Variants in PLCB4 observed in about 807,000 individuals in gnomAD.
PLCB4 encodes the protein 1-phosphatidylinositol 4,5-bisphosphate phosphodiesterase beta-4.
PLCB4 carries 77 observed loss-of-function variants against 178.8 expected under a neutral mutation model. The ratio of observed to expected loss-of-function variants is 0.43; its 90% CI spans 0.36 to 0.52. The LOEUF (loss-of-function observed/expected upper bound fraction) is 0.52, where lower values mean the gene tolerates loss of function less well. Ranked by LOEUF, PLCB4 falls within the 20% of genes least tolerant of loss-of-function variation. The pLI, the probability that PLCB4 is intolerant of heterozygous loss-of-function variation, is 0.00. For synonymous variants in PLCB4, 496 were observed against 490.8 expected (o/e 1.01, Z -0.14); for missense variants, 1,024 against 1,453.4 (o/e 0.70, Z 4.80).
chr20:9,165,793 T>TTGTGTGTGTG (rs3036061), intron 2 of PLCB4, among the ~76,000 whole-genome samples: 2,655 of 139,720 alleles, frequency 0.019, 86 homozygotes, highest in African/African-American at 0.064. Flanking sequence ...CTGGGGCTGT[T>TTGTGTGTGTG]TGTGTGTGTG....
In PLCB4 at chr20:9,420,331, A is replaced by AT. The variant is rs1167498896; in HGVS notation, c.2154+432dup. ...TATGTCCCAACTGATCTAATTTTAC[A>AT]TTTTTTTTTTGTTTTTTATTTTTTG... On this transcript the variant is annotated intron_variant, in intron 26 of 39. Transcript: ENST00000378473. Among the ~76,000 whole-genome samples the AT allele has an allele frequency of 6.6e-3, 986 of 148,856 alleles. 7 individuals carry two copies. Among genetic ancestry groups the AT allele is most frequent in the African/African-American group, 0.015 (607 of 40,606 alleles).
At chr20:9,163,716 AT>A (rs1410548932) in intron 2 of PLCB4, among the ~76,000 whole-genome samples, 1 of 151,814 alleles carries the variant, frequency 6.6e-6, no homozygotes, top group East Asian at 1.9e-4. Context: ...ATTTTCTTCC[AT>A]TTTTCCAATC....
At position 9,338,897 on chromosome 20, in the gene PLCB4, C is replaced by A. The variant is rs755844306; in HGVS notation, c.229C>A (p.Pro77Thr). 4.3e-6 allele frequency: 7 copies of A among 1,612,676 alleles called. No homozygotes were observed. The highest frequency in any genetic ancestry group is 4.2e-6 in the Non-Finnish European group (5 of 1,179,192). The change falls in exon 7 of 40, where the codon CCC (proline) becomes ACC (threonine). Residue 77 changes from proline (P) to threonine (T), a missense_variant. By Grantham distance (38) the Pro-to-Thr change is conservative. Around this residue, in one of 7 missense-constraint regions of PLCB4, gnomAD observed 225 missense variants for 291.0 expected, o/e 0.77. Transcript: ENST00000378473. ...SIRSGAIPKD[P>T]KILAALEAVG... ...CTATCTGTGTACCTCTATACAGGAT[C>A]CCAAAATCTTGGCTGCTCTTGAAGC... is the stretch of plus-strand genomic sequence containing the variant.
chr20:9,265,257 T>C (rs2094337875), intron 3 of PLCB4, among the ~76,000 whole-genome samples: 1 of 151,944 alleles, frequency 6.6e-6, no homozygotes, highest in Non-Finnish European at 1.5e-5. Flanking sequence ...TCAAGGCAGA[T>C]GGATCACTTG....
chr20:9,408,967 T>C (rs185942113), intron 23 of PLCB4, 90 bp from the exon 24 acceptor site: 28 of 1,159,088 alleles, frequency 2.4e-5, no homozygotes, highest in Non-Finnish European at 1.1e-5. Context: ...TTTGTCATTG[T>C]TGGCCTAGAC....
intron 28 of PLCB4, among the ~76,000 whole-genome samples, chr20:9,435,026 A>C (rs2041674755): frequency 6.6e-6 from 1 of 152,212 alleles, no homozygotes; most frequent in Non-Finnish European, 1.5e-5. Context: ...AAAACACTAG[A>C]GAAAGATTTC....
chr20:9,197,859 C>T (rs2093491712), intron 2 of PLCB4, among the ~76,000 whole-genome samples: 1 of 152,178 alleles, frequency 6.6e-6, no homozygotes, highest in Admixed American at 6.5e-5. Context: ...TCTGTAATCC[C>T]AGCTACTTGG....
intron 7 of PLCB4, among the ~76,000 whole-genome samples, chr20:9,356,894 T>C (rs1602072533): frequency 1.3e-5 from 2 of 152,212 alleles, no homozygotes; most frequent in East Asian, 3.9e-4. Context: ...AGCAGATACA[T>C]AGCTTGAGCC....
chr20:9,356,058 C>A (rs1420196450), intron 7 of PLCB4, among the ~76,000 whole-genome samples: 1 of 152,208 alleles, frequency 6.6e-6, no homozygotes, highest in African/African-American at 2.4e-5. Context: ...TGATGATGAA[C>A]ATTTTTTCAT....
chr20:9,198,258 T>C (rs2093497741), intron 2 of PLCB4, among the ~76,000 whole-genome samples: 1 of 152,216 alleles, frequency 6.6e-6, no homozygotes, highest in Admixed American at 6.5e-5. Flanking sequence ...TGTCTGTCAC[T>C]AGAACACATT....
intron 2 of PLCB4, among the ~76,000 whole-genome samples, chr20:9,133,969 A>G (rs755613305): frequency 7.2e-5 from 11 of 152,214 alleles, no homozygotes; most frequent in Non-Finnish European, 1.5e-5. Context: ...TGTGCCTCAA[A>G]TGTCCTACTG....
In PLCB4 at chr20:9,368,601, G is replaced by A. The variant is rs952632531; in HGVS notation, c.504-2613G>A. Among the ~76,000 whole-genome samples, 7 of 152,294 alleles carry A rather than the reference G, an allele frequency of 4.6e-5. No homozygotes were observed. The East Asian group carries it at 1.4e-3, about 29-fold the overall frequency. ...CCAACCATGTCCTGAAGGCCCAGCAGCCCACGAAGAAGGTATGATTCTGCT... is the reference window on the plus strand; with the variant it reads ...CCAACCATGTCCTGAAGGCCCAGCAACCCACGAAGAAGGTATGATTCTGCT... On this transcript the variant is annotated intron_variant, in intron 9 of 39. Transcript: ENST00000378473.
chr20:9,389,075 A>G (rs1006827891), intron 15 of PLCB4, among the ~76,000 whole-genome samples: 1 of 152,208 alleles, frequency 6.6e-6, no homozygotes, highest in African/African-American at 2.4e-5. Context: ...TTTACCAAAT[A>G]TGATGCTCCG....
intron 4 of PLCB4, among the ~76,000 whole-genome samples, chr20:9,332,917 G>A (rs1285633454): frequency 6.6e-6 from 1 of 152,114 alleles, no homozygotes; most frequent in Non-Finnish European, 1.5e-5. Flanking sequence ...GAATTCCCAG[G>A]ACGTGCCTCA....
rs150091372 is a variant in PLCB4, at chr20:9,142,418, A to G, written c.-79+46076A>G. On this transcript the variant is annotated intron_variant, in intron 2 of 39. Coordinates refer to ENST00000378473, the MANE Select transcript of PLCB4 (RefSeq NM_001377142.1). ...AGAGGAATGGAATAGCTTATAAGCAATGTTAAATAACTGTGGGTTGGTTGA... is the reference window on the plus strand; with the variant it reads ...AGAGGAATGGAATAGCTTATAAGCAGTGTTAAATAACTGTGGGTTGGTTGA... Among the ~76,000 whole-genome samples, 505 of 152,276 alleles carry G rather than the reference A, an allele frequency of 3.3e-3. 3 individuals carry two copies. Among genetic ancestry groups the G allele is most frequent in the African/African-American group, 0.011 (466 of 41,564 alleles).
chr20:9,464,025 G>A (rs2043590248), intron 35 of PLCB4, among the ~76,000 whole-genome samples: 1 of 152,056 alleles, frequency 6.6e-6, no homozygotes, highest in Admixed American at 6.6e-5. Context: ...CAACATAATT[G>A]GAAGTAAAGC....
chr20:9,260,401 T>G (rs2094285139), intron 3 of PLCB4, among the ~76,000 whole-genome samples: 2 of 152,156 alleles, frequency 1.3e-5, no homozygotes, highest in Non-Finnish European at 2.9e-5. Context: ...GCAGGGGTTG[T>G]TGAATAATTT....
At chr20:9,107,293 T>A (rs542016980) in intron 2 of PLCB4, among the ~76,000 whole-genome samples, 58 of 152,310 alleles carry the variant, frequency 3.8e-4, no homozygotes, top group Non-Finnish European at 7.5e-4. Context: ...AATCTCAGCT[T>A]GCAGCTTAAA....
intron 26 of PLCB4, among the ~76,000 whole-genome samples, chr20:9,420,881 T>C (rs1029953018): frequency 1.3e-5 from 2 of 152,212 alleles, no homozygotes; most frequent in African/African-American, 4.8e-5. Flanking sequence ...TCTGTGTGTC[T>C]CTTTTCAAGA....
Sources: gnomAD v4.1 joint callset for allele counts (sites outside exome capture counted in the v4.1 genomes callset) on GRCh38, gnomAD v4.1.1 for gene constraint, gnomAD v4.1.1 regional missense constraint, MANE v1.5 for transcripts, NCBI Gene and HGNC (gene_info 2026-07-23, HGNC 2026-07-21) for gene names.